The following PARG variants were observed in gnomAD, a reference collection of about 807,000 sequenced individuals.
PARG encodes the protein poly(ADP-ribose) glycohydrolase, also known as mitochondrial poly(ADP-ribose) glycohydrolase.
PARG carries 35 observed loss-of-function variants against 113.0 expected under a neutral mutation model. The ratio of observed to expected loss-of-function variants is 0.31; its 90% CI spans 0.24 to 0.41. The LOEUF (loss-of-function observed/expected upper bound fraction) is 0.41, where lower values mean the gene tolerates loss of function less well. PARG is among the 10% of genes least tolerant of loss of function. The probability of loss-of-function intolerance (pLI) is 1.00; values close to 1 mark genes in which losing one functional copy is unlikely to be tolerated. For missense variants in PARG, 797 were observed against 1,169.4 expected, an observed-to-expected ratio of 0.68 and a Z score of 4.64; for synonymous variants, 330 against 409.9, an observed-to-expected ratio of 0.81 and a Z score of 2.36.
At chr10:49,915,072 A>G (rs1418266296) in intron 7 of PARG, among the ~76,000 whole-genome samples, 14 of 152,166 alleles carry the variant, frequency 9.2e-5, no homozygotes, top group Non-Finnish European at 1.5e-5. Flanking sequence ...ATAAATCTTC[A>G]TGATCTTAGA....
intron 4 of PARG, among the ~76,000 whole-genome samples, chr10:49,927,374 GAAAGAAA>G (rs1564664856): frequency 4.9e-4 from 10 of 20,544 alleles, no homozygotes; most frequent in Non-Finnish European, 2.7e-3. Context: ...AAGAAGGAAA[GAAAGAAA>G]GAAAGAAAGA....
intron 15 of PARG, chr10:49,833,373 T>C (rs907282659): frequency 6.6e-6 from 1 of 152,284 alleles, no homozygotes; most frequent in African/African-American, 2.4e-5. Flanking sequence ...TCCTCAGCAT[T>C]CTCTCTCTCA....
chr10:49,888,268 C>CA (rs199715970), intron 7 of PARG, among the ~76,000 whole-genome samples: 14,368 of 151,686 alleles, frequency 0.095, 1,133 homozygotes, highest in East Asian at 0.32. Context: ...TTACAACACT[C>CA]AAAAAAGTTT....
intron 17 of PARG, among the ~76,000 whole-genome samples, 200 bp downstream of exon 17, chr10:49,819,965 C>A (rs1201684931): frequency 1.3e-5 from 2 of 152,090 alleles, no homozygotes; most frequent in African/African-American, 4.8e-5. Flanking sequence ...GCTGATATAC[C>A]CTATCAAGAC....
chr10:49,896,235 A>C (rs1848079775), intron 7 of PARG, among the ~76,000 whole-genome samples: 1 of 151,998 alleles, frequency 6.6e-6, no homozygotes, highest in South Asian at 2.1e-4. Context: ...TTTCACAGAT[A>C]CTCTTTAACA....
At chr10:49,887,251 G>A (rs1288145160) in intron 7 of PARG, among the ~76,000 whole-genome samples, 5 of 152,032 alleles carry the variant, frequency 3.3e-5, no homozygotes, top group South Asian at 2.1e-4. Context: ...TTTACAGGAC[G>A]TTATAGTACA....
intron 16 of PARG, among the ~76,000 whole-genome samples, chr10:49,826,124 A>G (rs1157338760): frequency 3.3e-5 from 5 of 152,212 alleles, no homozygotes; most frequent in African/African-American, 1.2e-4. Context: ...CTCAACCTGT[A>G]AGAAATAGAT....
intron 15 of PARG, among the ~76,000 whole-genome samples, chr10:49,838,431 CAAAAAAAA>C (rs782657099): frequency 5.0e-5 from 2 of 40,294 alleles, no homozygotes; most frequent in Non-Finnish European, 8.3e-5. Context: ...AACTCCGTCT[CAAAAAAAA>C]AAAAAAAAAA....
chr10:49,833,016 C>A, intron 15 of PARG, 108 bp from the exon 16 acceptor site: 1 of 523,230 alleles, frequency 1.9e-6, no homozygotes. Context: ...TTCAATTTCT[C>A]ATTTTTTTTT....
chr10:49,842,137 C>A, intron 14 of PARG, 79 bp from the exon 15 acceptor site: 1 of 951,290 alleles, frequency 1.1e-6, no homozygotes, highest in South Asian at 1.4e-5. Context: ...GTCAGGTTGC[C>A]AAGACTTTAG....
intron 7 of PARG, among the ~76,000 whole-genome samples, chr10:49,901,037 T>G (rs1848325736): frequency 1.3e-5 from 2 of 151,876 alleles, no homozygotes; most frequent in African/African-American, 4.8e-5. Context: ...AATCTTTTAT[T>G]ATAGTTTATA....
intron 7 of PARG, among the ~76,000 whole-genome samples, chr10:49,894,802 G>T (rs1195788634): frequency 3.9e-5 from 6 of 152,080 alleles, no homozygotes; most frequent in African/African-American, 4.8e-5. Context: ...CCACAAACCA[G>T]GCAGCTTAAA....
At position 49,932,263 on chromosome 10, in the gene PARG, T is replaced by C; in HGVS notation, c.1292A>G (p.Lys431Arg). Residue 431 changes from lysine to arginine, a missense_variant, in exon 4 of 18, where the codon AAA (lysine) becomes AGA (arginine). Lys to Arg is a conservative substitution (Grantham distance 26, BLOSUM62 2). Around this residue, in one of 5 missense-constraint regions of PARG, gnomAD observed 252 missense variants for 437.4 expected, o/e 0.58. Transcript: ENST00000616448. ...EDRRKEQWET[K>R]HQRTERKIPK... Reference sequence around the variant, plus strand: ...GATCTTCCTTTCTGTTCTTTGATGTTTGGTTTCCCACTGTTCTTTTCTAAG... The same window carrying C: ...GATCTTCCTTTCTGTTCTTTGATGTCTGGTTTCCCACTGTTCTTTTCTAAG... The C allele has an allele frequency of 6.3e-7, 1 of 1,585,712 alleles. No homozygotes were observed. The highest frequency in any genetic ancestry group is 8.7e-7 in the Non-Finnish European group (1 of 1,154,114).
chr10:49,843,643 C>T lies in PARG; in HGVS notation c.2354-11G>A. On this transcript the variant is annotated splice_polypyrimidine_tract_variant and intron_variant, in intron 13 of 17. Coordinates refer to ENST00000616448, the MANE Select transcript of PARG (RefSeq NM_003631.5). ...TGTACTGCTCAGTACCTGAAACAAA[C>T]AATCTGTCACTATTAACTTCACACT... 1 of 1,517,774 alleles carries T rather than the reference C, an allele frequency of 6.6e-7. No individual in the cohort carries two copies. Among genetic ancestry groups the T allele is most frequent in the Non-Finnish European group, 9.0e-7 (1 of 1,116,296 alleles). The allele number at this position is 1,517,774 out of a possible 1,614,324, so 94.0% of individuals were successfully genotyped here.
intron 4 of PARG, among the ~76,000 whole-genome samples, chr10:49,923,229 T>C (rs1438280568): frequency 6.6e-6 from 1 of 152,126 alleles, no homozygotes; most frequent in African/African-American, 2.4e-5. Flanking sequence ...TAAATCTCTA[T>C]TGTCACCTTC....
chr10:49,902,901 C>T (rs570658822), intron 7 of PARG, among the ~76,000 whole-genome samples: 16 of 151,624 alleles, frequency 1.1e-4, no homozygotes, highest in Admixed American at 2.0e-4. Context: ...GGCGCGATCT[C>T]GGCTCACTGC....
At chr10:49,879,606 A>T in intron 9 of PARG, 67 bp downstream of exon 9, 2 of 1,209,612 alleles carry the variant, frequency 1.7e-6, no homozygotes, top group Non-Finnish European at 2.3e-6. Context: ...ATTCATTCAA[A>T]AAATATTATT....
At chr10:49,882,222 C>T (rs1392158416) in intron 8 of PARG, among the ~76,000 whole-genome samples, 11 of 150,214 alleles carry the variant, frequency 7.3e-5, no homozygotes, top group African/African-American at 2.0e-4. Flanking sequence ...GTCAAGCAAT[C>T]GGCTCAACAA....
chr10:49,892,634 CA>C (rs1847864372), intron 7 of PARG, among the ~76,000 whole-genome samples: 1 of 152,056 alleles, frequency 6.6e-6, no homozygotes, highest in Non-Finnish European at 1.5e-5. Flanking sequence ...ACTGAATACC[CA>C]AATACTATTT....
Sources: allele counts gnomAD v4.1 joint callset (sites outside exome capture counted in the v4.1 genomes callset), GRCh38; gene constraint gnomAD v4.1.1; regional missense constraint gnomAD v4.1.1; transcripts MANE v1.5; gene names NCBI Gene and HGNC (gene_info 2026-07-23, HGNC 2026-07-21).